The following USO1 variants were observed in gnomAD, a reference collection of about 807,000 sequenced individuals.
USO1 encodes general vesicular transport factor p115.
USO1 carries 57 observed loss-of-function variants against 124.5 expected under a neutral mutation model. The ratio of observed to expected loss-of-function variants is 0.46; its 90% CI spans 0.37 to 0.57. USO1 has a LOEUF of 0.57. Ranked by LOEUF, USO1 falls within the 20% of genes least tolerant of loss-of-function variation. USO1 has a pLI of 0.00. For missense variants in USO1, 900 were observed against 1,040.6 expected (o/e 0.86, Z 1.86); for synonymous variants, 369 against 362.8 (o/e 1.02, Z -0.19).
At chr4:75,773,451 A>T (rs144571166) in intron 7 of USO1, among the ~76,000 whole-genome samples, 7 of 152,304 alleles carry the variant, frequency 4.6e-5, no homozygotes, top group Admixed American at 2.6e-4. Flanking sequence ...TGTGACAAAG[A>T]TATTACATGA....
chr4:75,725,010 C>G (rs778635655), intron 1 of USO1, 125 bp downstream of exon 1: 9 of 962,792 alleles, frequency 9.3e-6, no homozygotes, highest in Admixed American at 7.8e-5. Flanking sequence ...TGCCGCCTCC[C>G]CCTTTGCCCT....
intron 8 of USO1, among the ~76,000 whole-genome samples, chr4:75,781,706 T>C (rs1392309949): frequency 6.6e-6 from 1 of 152,172 alleles, no homozygotes; most frequent in Non-Finnish European, 1.5e-5. Context: ...AGAAACTCTA[T>C]TTGTACTTAC....
rs377172671 is a variant in USO1, at chr4:75,782,767, A to G, written c.764A>G (p.Tyr255Cys). ...SNQNFFKEGS[Y>C]IQRMKPWFEV... The stretch of plus-strand genomic sequence containing the variant: ...CAAAATTTTTTTAAAGAAGGCTCAT[A>G]TATTCAACGTATGAAACCTTGGTTT... Residue 255 changes from tyrosine to cysteine, a missense_variant, in exon 9 of 24, where the codon TAT becomes TGT. By Grantham distance (194) the Tyr-to-Cys change is radical. Around this residue, in one of 2 missense-constraint regions of USO1, gnomAD observed 538 missense variants for 681.6 expected, o/e 0.79. Transcript: ENST00000514213. 11 of 1,597,464 alleles carry G rather than the reference A, an allele frequency of 6.9e-6. No homozygotes were observed. Among genetic ancestry groups the G allele is most frequent in the Non-Finnish European group, 8.5e-6 (10 of 1,173,804 alleles).
rs1162325352 is a variant in USO1 at position 75,761,793 on chromosome 4, G to A, written c.295+4220G>A. ...GAAGGAAATATTCGTATCTAAAGCA[G>A]TGTTTAAAAGGTACATCACAAAGTT... On this transcript the variant is annotated intron_variant, in intron 4 of 23. Coordinates refer to ENST00000514213, the MANE Select transcript of USO1 (RefSeq NM_003715.4). 4.6e-5 allele frequency among the ~76,000 whole-genome samples: 7 copies of A among 152,134 alleles called. No homozygotes were observed. In the East Asian group the frequency reaches 1.3e-3, roughly 29 times the overall value.
chr4:75,804,792 C>A (rs921390607), intron 18 of USO1, among the ~76,000 whole-genome samples: 3 of 152,146 alleles, frequency 2.0e-5, no homozygotes, highest in Non-Finnish European at 4.4e-5. Flanking sequence ...AAGAGCTCCA[C>A]TGCTTTTAAA....
chr4:75,730,491 T>C (rs1340958043), intron 1 of USO1, among the ~76,000 whole-genome samples: 3 of 152,148 alleles, frequency 2.0e-5, no homozygotes, highest in African/African-American at 2.4e-5. Flanking sequence ...ATCTATTATT[T>C]TGAGAAGCAT....
At chr4:75,777,367 G>T (rs895584061) in intron 8 of USO1, among the ~76,000 whole-genome samples, 1 of 152,140 alleles carries the variant, frequency 6.6e-6, no homozygotes, top group Non-Finnish European at 1.5e-5. Flanking sequence ...TTGAGAACTT[G>T]TGCCCTGCAA....
At chr4:75,781,848 A>C (rs1722230686) in intron 8 of USO1, among the ~76,000 whole-genome samples, 1 of 152,226 alleles carries the variant, frequency 6.6e-6, no homozygotes, top group Non-Finnish European at 1.5e-5. Flanking sequence ...ACTTGTCGTT[A>C]CGTACAGCAT....
intron 1 of USO1, among the ~76,000 whole-genome samples, chr4:75,726,643 C>G (rs1164685373): frequency 3.3e-5 from 5 of 152,042 alleles, no homozygotes; most frequent in Non-Finnish European, 5.9e-5. Flanking sequence ...AAATCTGTTT[C>G]TTTCATTTGA....
At chr4:75,738,053 T>C (rs930986437) in intron 1 of USO1, among the ~76,000 whole-genome samples, 1 of 150,878 alleles carries the variant, frequency 6.6e-6, no homozygotes, top group Non-Finnish European at 1.5e-5. Flanking sequence ...CAGGCTGGTC[T>C]CGAACTCCTG....
At chr4:75,789,346 C>T (rs771846805) in intron 10 of USO1, among the ~76,000 whole-genome samples, 5 of 152,126 alleles carry the variant, frequency 3.3e-5, no homozygotes, top group Admixed American at 6.6e-5. Flanking sequence ...GGCACTATTT[C>T]GGCTTACTTC....
At chr4:75,735,925 T>C (rs1720775407) in intron 1 of USO1, among the ~76,000 whole-genome samples, 2 of 152,208 alleles carry the variant, frequency 1.3e-5, no homozygotes, top group Admixed American at 1.3e-4. Context: ...AATAGCCCTA[T>C]TGGCTAGCAA....
Position 75,782,868 on chromosome 4 carries a change from C to A in USO1, c.855+10C>A. On this transcript the variant is annotated intron_variant, in intron 9 of 23. Coordinates refer to ENST00000514213, the MANE Select transcript of USO1 (RefSeq NM_003715.4). The stretch of plus-strand genomic sequence containing the variant: ...ACATCTAATGCTACAGGTATACTAT[C>A]CTTAGACATAAATGTGGTAAGAATT... The A allele has an allele frequency of 6.4e-7, 1 of 1,555,126 alleles. No homozygotes were observed. Among genetic ancestry groups the A allele is most frequent in the South Asian group, 1.2e-5 (1 of 81,616 alleles).
At chr4:75,812,469 T>C (rs1319807977) in intron 23 of USO1, 94 bp downstream of exon 23, 1 of 1,453,120 alleles carries the variant, frequency 6.9e-7, no homozygotes, top group Non-Finnish European at 9.2e-7. Context: ...GTTGTGCCTG[T>C]ATTATAGGAA....
chr4:75,792,000 A>C (rs1480205233), intron 12 of USO1, among the ~76,000 whole-genome samples: 1 of 151,300 alleles, frequency 6.6e-6, no homozygotes, highest in African/African-American at 2.4e-5. Flanking sequence ...TGAGCATCCC[A>C]AATCTGAAAT....
At chr4:75,805,528 G>A (rs569619223) in intron 19 of USO1, among the ~76,000 whole-genome samples, 6 of 152,154 alleles carry the variant, frequency 3.9e-5, no homozygotes, top group African/African-American at 7.2e-5. Context: ...CCAATATGGC[G>A]AAACCCTGTC....
At chr4:75,735,324 T>G (rs377750342) in intron 1 of USO1, among the ~76,000 whole-genome samples, 19 of 152,304 alleles carry the variant, frequency 1.2e-4, no homozygotes, top group African/African-American at 4.1e-4. Context: ...TTATCAGCTC[T>G]AGGTGCCTTT....
At chr4:75,747,900 C>CTTT (rs34689475) in intron 1 of USO1, among the ~76,000 whole-genome samples, 50 of 44,320 alleles carry the variant, frequency 1.1e-3, no homozygotes, top group Non-Finnish European at 1.5e-3. Context: ...CTCACCTGGC[C>CTTT]TTTTTTTTTT....
At chr4:75,794,045 G>A in intron 13 of USO1, 144 bp downstream of exon 13, 1 of 1,331,832 alleles carries the variant, frequency 7.5e-7, no homozygotes, top group Non-Finnish European at 1.0e-6. Context: ...AAACAGTTTT[G>A]TGGAGAAAAA....
Sources: gnomAD v4.1 joint callset for allele counts (sites outside exome capture counted in the v4.1 genomes callset) on GRCh38, gnomAD v4.1.1 for gene constraint, gnomAD v4.1.1 regional missense constraint, MANE v1.5 for transcripts, NCBI Gene and HGNC (gene_info 2026-07-23, HGNC 2026-07-21) for gene names.